AP4S1: variants seen among roughly 807,000 people sequenced by gnomAD.
AP4S1 encodes AP-4 complex subunit sigma-1.
Under a neutral mutation model 19.8 loss-of-function variants are expected in AP4S1, and 23 were observed. The observed-to-expected ratio is 1.16, with a 90% CI of 0.84 to 1.65. AP4S1 has a LOEUF of 1.65. AP4S1 is among the 40% of genes most tolerant of loss of function. The pLI is 0.00. For synonymous variants in AP4S1, 46 were observed against 54.1 expected, an observed-to-expected ratio of 0.85 and a Z score of 0.66; for missense variants, 166 against 172.8, an observed-to-expected ratio of 0.96 and a Z score of 0.22.
chr14:31,091,663 C>A (rs1208910809), intron 5 of AP4S1, among the ~76,000 whole-genome samples: 2 of 151,954 alleles, frequency 1.3e-5, no homozygotes, highest in Non-Finnish European at 2.9e-5. Context: ...AAGTCATTCA[C>A]CATTTGTCCT....
intron 1 of AP4S1, among the ~76,000 whole-genome samples, chr14:31,039,611 C>G (rs968968026): frequency 5.7e-5 from 8 of 140,070 alleles, no homozygotes; most frequent in South Asian, 2.4e-4. Context: ...TTCGCTCTGT[C>G]GCCCAGGCTG....
intron 5 of AP4S1, 115 bp downstream of exon 5, chr14:31,080,699 A>G (rs1166480546): frequency 7.6e-6 from 11 of 1,450,422 alleles, no homozygotes; most frequent in Middle Eastern, 1.7e-4. Context: ...GTTCATCACC[A>G]ACAACTATGA....
chr14:31,061,978 A>G (rs1886463121), intron 1 of AP4S1, among the ~76,000 whole-genome samples: 1 of 151,992 alleles, frequency 6.6e-6, no homozygotes, highest in African/African-American at 2.4e-5. Flanking sequence ...TTTCAGATTG[A>G]TCTATATGCC....
At position 31,050,459 on chromosome 14, in the gene AP4S1, T is replaced by C. The variant is rs865925464; in HGVS notation, c.-71-15667T>C. Reference sequence around the variant, plus strand: ...CTCTGATCTCTGCTTTAAAAAAAACTAACTTTTTATTTGGAATTATTTTAT... The same window carrying C: ...CTCTGATCTCTGCTTTAAAAAAAACCAACTTTTTATTTGGAATTATTTTAT... On this transcript the variant is annotated intron_variant, in intron 1 of 5. Transcript: ENST00000542754. 1.1e-4 allele frequency among the ~76,000 whole-genome samples: 17 copies of C among 152,254 alleles called. 1 individual carries two copies. In the South Asian group the frequency reaches 3.5e-3, roughly 32 times the overall value.
Position 31,056,660 on chromosome 14 carries a change from A to G in AP4S1, c.-71-9466A>G, listed in dbSNP as rs113994339. Among the ~76,000 whole-genome samples, 1,513 of 152,286 alleles carry G rather than the reference A, an allele frequency of 9.9e-3. 31 individuals are homozygous for G. Among genetic ancestry groups the G allele is most frequent in the African/African-American group, 0.034 (1,414 of 41,564 alleles). ...AGGCGTGAGCCACCGTGCCCAGCCT[A>G]TACTGTACTTTTTCATGCAGTGATT... On this transcript the variant is annotated intron_variant, in intron 1 of 5. Coordinates refer to ENST00000542754, the MANE Select transcript of AP4S1 (RefSeq NM_001128126.3).
intron 4 of AP4S1, among the ~76,000 whole-genome samples, chr14:31,074,405 CA>C (rs1375418017): frequency 1.3e-5 from 2 of 151,476 alleles, no homozygotes; most frequent in Non-Finnish European, 2.9e-5. Context: ...GTAATCTCAG[CA>C]CTTTGAGAGG....
chr14:31,049,471 ATG>A (rs1476639616), intron 1 of AP4S1, among the ~76,000 whole-genome samples: 3,461 of 76,138 alleles, frequency 0.045, 106 homozygotes, highest in East Asian at 0.097. Flanking sequence ...ATGTATATAT[ATG>A]TACACACACA....
chr14:31,048,344 C>T (rs1356303319), intron 1 of AP4S1, among the ~76,000 whole-genome samples: 1 of 151,904 alleles, frequency 6.6e-6, no homozygotes, highest in Non-Finnish European at 1.5e-5. Context: ...TCAGGTGATC[C>T]ACCCACCTCA....
chr14:31,087,067 A>T (rs923437681), intron 5 of AP4S1, among the ~76,000 whole-genome samples: 7 of 152,096 alleles, frequency 4.6e-5, no homozygotes, highest in African/African-American at 1.2e-4. Context: ...TGGCTAATTT[A>T]AAAAAATTTT....
rs117700134 is a variant in AP4S1 at position 31,050,806 on chromosome 14, C to T, written c.-71-15320C>T. ...TCATTAGTCCGTTTTCTATTCCGGGCTCCCCTCCACGATACCATGTTGCAT... is the reference window on the plus strand; with the variant it reads ...TCATTAGTCCGTTTTCTATTCCGGGTTCCCCTCCACGATACCATGTTGCAT... On this transcript the variant is annotated intron_variant, in intron 1 of 5. Coordinates refer to ENST00000542754, the MANE Select transcript of AP4S1 (RefSeq NM_001128126.3). Among the ~76,000 whole-genome samples the T allele has an allele frequency of 9.3e-4, 141 of 152,254 alleles. No individual in the cohort carries two copies. In the East Asian group the frequency reaches 0.017, roughly 19 times the overall value.
At chr14:31,083,906 T>C (rs1887792748) in intron 5 of AP4S1, among the ~76,000 whole-genome samples, 2 of 152,152 alleles carry the variant, frequency 1.3e-5, no homozygotes, top group African/African-American at 4.8e-5. Flanking sequence ...TGCAGACTAG[T>C]TACACAGCAG....
intron 4 of AP4S1, among the ~76,000 whole-genome samples, chr14:31,074,713 G>A (rs1312692215): frequency 6.6e-6 from 1 of 152,030 alleles, no homozygotes; most frequent in African/African-American, 2.4e-5. Flanking sequence ...ATCAAGCTGG[G>A]TGTGGAGGCA....
chr14:31,035,229 T>G (rs1439976197), intron 1 of AP4S1, among the ~76,000 whole-genome samples: 1 of 127,422 alleles, frequency 7.8e-6, no homozygotes, highest in Non-Finnish European at 1.6e-5. Context: ...GGAGTCTAGC[T>G]CTATCGCCAG....
At chr14:31,054,868 A>AT (rs1491385986) in intron 1 of AP4S1, among the ~76,000 whole-genome samples, 3 of 11,442 alleles carry the variant, frequency 2.6e-4, no homozygotes, top group African/African-American at 5.5e-4. Flanking sequence ...ACTCTGTCTC[A>AT]AAAAAAAAAA....
chr14:31,040,238 A>G (rs1380746605), intron 1 of AP4S1, among the ~76,000 whole-genome samples: 2 of 150,328 alleles, frequency 1.3e-5, no homozygotes, highest in African/African-American at 4.9e-5. Flanking sequence ...TGCAACCTCA[A>G]CCTCCCAAGG....
At chr14:31,049,142 G>A (rs1462615420) in intron 1 of AP4S1, among the ~76,000 whole-genome samples, 5 of 151,272 alleles carry the variant, frequency 3.3e-5, no homozygotes, top group Non-Finnish European at 7.4e-5. Context: ...TGCCGGGCGT[G>A]GTGGCTCACG....
At chr14:31,076,891 TA>T (rs763326540) in intron 4 of AP4S1, among the ~76,000 whole-genome samples, 6 of 152,334 alleles carry the variant, frequency 3.9e-5, no homozygotes, top group Non-Finnish European at 8.8e-5. Context: ...GAGCTTTAGT[TA>T]GACATTCTTG....
chr14:31,048,861 A>T (rs1015801349), intron 1 of AP4S1, among the ~76,000 whole-genome samples: 1 of 152,194 alleles, frequency 6.6e-6, no homozygotes, highest in African/African-American at 2.4e-5. Flanking sequence ...GGAGGAGGCT[A>T]CCACCCAACC....
intron 3 of AP4S1, among the ~76,000 whole-genome samples, chr14:31,071,952 C>T (rs1023207222): frequency 2.9e-4 from 44 of 149,202 alleles, no homozygotes; most frequent in African/African-American, 1.0e-3. Context: ...GATGGAGTCT[C>T]GCTATGTCAC....
Sources: allele counts gnomAD v4.1 joint callset (sites outside exome capture counted in the v4.1 genomes callset), GRCh38; gene constraint gnomAD v4.1.1; transcripts MANE v1.5; gene names NCBI Gene and HGNC (gene_info 2026-07-23, HGNC 2026-07-21).